The following BRD10 variants were observed in gnomAD, a reference collection of about 807,000 sequenced individuals.
BRD10 encodes uncharacterized bromodomain-containing protein 10.
the BRD10 span, among the ~76,000 whole-genome samples, chr9:5,939,336 CTTATG>C: frequency 1.8e-4 from 28 of 152,190 alleles, no homozygotes; most frequent in African/African-American, 5.3e-4. Flanking sequence ...TTTCCATTTA[CTTATG>C]TTATCATTCC....
At chr9:5,885,816 C>T in the BRD10 span, among the ~76,000 whole-genome samples, 8 of 152,208 alleles carry the variant, frequency 5.3e-5, no homozygotes, top group South Asian at 2.1e-4. Flanking sequence ...ATTCAAGGCA[C>T]CTGTGAGGCT....
chr9:5,930,747 T>C, the BRD10 span, among the ~76,000 whole-genome samples: 1 of 152,198 alleles, frequency 6.6e-6, no homozygotes, highest in Non-Finnish European at 1.5e-5. Context: ...GTTAAATGTG[T>C]TCTAAAGTAC....
the BRD10 span, among the ~76,000 whole-genome samples, chr9:5,927,079 A>G: frequency 2.6e-5 from 4 of 152,176 alleles, no homozygotes; most frequent in Admixed American, 1.3e-4. Context: ...CTTTCAATCT[A>G]TAAGATTGGA....
At chr9:5,916,070 C>T in the BRD10 span, among the ~76,000 whole-genome samples, 1 of 152,156 alleles carries the variant, frequency 6.6e-6, no homozygotes. Flanking sequence ...CCTCAAGCAC[C>T]ATGCTGTGGA....
At chr9:5,974,632 A>T in the BRD10 span, among the ~76,000 whole-genome samples, 2 of 152,196 alleles carry the variant, frequency 1.3e-5, no homozygotes, top group Non-Finnish European at 2.9e-5. Flanking sequence ...GACCAAGGCA[A>T]CTAGAGTCTG....
chr9:5,975,585 A>C, the BRD10 span, among the ~76,000 whole-genome samples: 1 of 152,140 alleles, frequency 6.6e-6, no homozygotes, highest in African/African-American at 2.4e-5. Context: ...GGAGATAAAA[A>C]CTACAATGTC....
the BRD10 span, among the ~76,000 whole-genome samples, chr9:5,989,500 G>A: frequency 6.6e-6 from 1 of 150,564 alleles, no homozygotes; most frequent in South Asian, 2.1e-4. Flanking sequence ...TTTCCTACAG[G>A]CTTTAACATA....
the BRD10 span, among the ~76,000 whole-genome samples, chr9:5,915,534 T>C: frequency 2.6e-4 from 39 of 152,336 alleles, no homozygotes; most frequent in South Asian, 6.6e-3. Context: ...AATCATTCCC[T>C]ATGGGTCCTC....
chr9:5,911,663 T>C, the BRD10 span, among the ~76,000 whole-genome samples: 1 of 151,802 alleles, frequency 6.6e-6, no homozygotes, highest in South Asian at 2.1e-4. Context: ...GCCTCCCGAG[T>C]AACTGGGATT....
the BRD10 span, among the ~76,000 whole-genome samples, chr9:5,893,970 A>G: frequency 0.057 from 8,292 of 146,274 alleles, 731 homozygotes; most frequent in African/African-American, 0.19. Flanking sequence ...AAATGAAGAA[A>G]GGTTTAGAGA....
chr9:5,942,355 G>C, the BRD10 span, among the ~76,000 whole-genome samples: 1 of 152,130 alleles, frequency 6.6e-6, no homozygotes, highest in South Asian at 2.1e-4. Context: ...TAGAAATTCA[G>C]TTAAGTGGAA....
the BRD10 span, chr9:5,929,135 C>T: frequency 7.5e-6 from 12 of 1,596,748 alleles, no homozygotes; most frequent in African/African-American, 1.5e-4. Flanking sequence ...TCTTTTACAG[C>T]TTGCCTCCGA....
the BRD10 span, among the ~76,000 whole-genome samples, chr9:5,990,604 C>T: frequency 6.6e-6 from 1 of 152,068 alleles, no homozygotes; most frequent in African/African-American, 2.4e-5. Context: ...AAAGTAATAT[C>T]CTTTATTACT....
the BRD10 span, chr9:5,920,707 T>C: frequency 6.2e-7 from 1 of 1,613,974 alleles, no homozygotes; most frequent in South Asian, 1.1e-5. Flanking sequence ...CTGCCGAATG[T>C]GGAACTGTGT....
chr9:5,991,073 G>A, the BRD10 span, among the ~76,000 whole-genome samples: 2 of 152,076 alleles, frequency 1.3e-5, no homozygotes, highest in Non-Finnish European at 2.9e-5. Context: ...CACTGTTAAA[G>A]ATGTCCATAT....
chr9:5,998,539 T>C, the BRD10 span, among the ~76,000 whole-genome samples: 1 of 152,112 alleles, frequency 6.6e-6, no homozygotes, highest in Non-Finnish European at 1.5e-5. Context: ...CTCCTTTCTC[T>C]CAATCCTTAC....
the BRD10 span, among the ~76,000 whole-genome samples, chr9:5,893,277 T>C: frequency 1.3e-5 from 2 of 152,094 alleles, no homozygotes; most frequent in African/African-American, 2.4e-5. Context: ...GAAAGGGACA[T>C]ACTCTGTACG....
chr9:5,924,646 T>C, the BRD10 span: 1 of 1,468,380 alleles, frequency 6.8e-7, no homozygotes, highest in Non-Finnish European at 9.1e-7. Context: ...AAAAAAAAAG[T>C]TTAATGCTTA....
the BRD10 span, among the ~76,000 whole-genome samples, chr9:5,982,055 G>GTATATA: frequency 7.7e-4 from 116 of 151,094 alleles, no homozygotes; most frequent in Non-Finnish European, 1.2e-3. Context: ...GTATGTGTGT[G>GTATATA]TATATATATA....
Sources: allele counts gnomAD v4.1 joint callset (sites outside exome capture counted in the v4.1 genomes callset), GRCh38; gene constraint gnomAD v4.1.1; transcripts MANE v1.5; gene names NCBI Gene and HGNC (gene_info 2026-07-23, HGNC 2026-07-21).